The following HGF variants were observed in gnomAD, a reference collection of about 807,000 sequenced individuals.
HGF encodes fibroblast-derived tumor cytotoxic factor.
HGF carries 39 observed loss-of-function variants against 111.6 expected under a neutral mutation model. That is an observed-to-expected ratio of 0.35 (90% CI 0.27 to 0.46). The LOEUF (loss-of-function observed/expected upper bound fraction) is 0.46. Ranked by LOEUF, HGF falls within the 20% of genes least tolerant of loss-of-function variation. The probability of loss-of-function intolerance (pLI) is 1.00; values close to 1 mark genes in which losing one functional copy is unlikely to be tolerated. For synonymous variants in HGF, 285 were observed against 294.8 expected (o/e 0.97, Z 0.34); for missense variants, 735 against 910.5 (o/e 0.81, Z 2.48).
intron 7 of HGF, among the ~76,000 whole-genome samples, chr7:81,733,667 A>G (rs1335940124): frequency 6.6e-6 from 1 of 152,138 alleles, no homozygotes; most frequent in Non-Finnish European, 1.5e-5. Context: ...AATACAGGCG[A>G]ATAAAGATAT....
Position 81,762,567 on chromosome 7 carries a change from G to A in HGF, c.254+140C>T, listed in dbSNP as rs180922897. 115 of 726,610 alleles carry A rather than the reference G, an allele frequency of 1.6e-4. 1 individual carries two copies. The highest frequency in any genetic ancestry group is 2.4e-4 in the Non-Finnish European group (100 of 414,834). The allele number at this position is 726,610 out of a possible 1,614,324, so 45.0% of individuals were successfully genotyped here. On this transcript the variant is annotated intron_variant, in intron 2 of 17. Coordinates refer to ENST00000222390, the MANE Select transcript of HGF (RefSeq NM_000601.6). ...TCCATAAACTGAGAGCTAAGTCTTC[G>A]TTTGTAGTGAGTTAAATCTAGAGTC...
At chr7:81,712,221 A>C (rs114239355) in intron 11 of HGF, among the ~76,000 whole-genome samples, 1,704 of 152,204 alleles carry the variant, frequency 0.011, 36 homozygotes, top group African/African-American at 0.038. Flanking sequence ...ACTCGTGTTC[A>C]TTATTGTCTA....
chr7:81,708,645 G>A (rs1035368136), intron 13 of HGF, among the ~76,000 whole-genome samples: 8 of 142,220 alleles, frequency 5.6e-5, no homozygotes, highest in Admixed American at 2.3e-4. Context: ...GTTTTACCAC[G>A]TTGGCCAGGC....
At chr7:81,708,854 A>G (rs910402616) in intron 13 of HGF, among the ~76,000 whole-genome samples, 2 of 152,148 alleles carry the variant, frequency 1.3e-5, no homozygotes, top group African/African-American at 4.8e-5. Flanking sequence ...TAGTTTCACA[A>G]TTCTATTTTA....
chr7:81,720,648 T>C, intron 10 of HGF, 97 bp downstream of exon 10: 2 of 743,294 alleles, frequency 2.7e-6, no homozygotes, highest in Non-Finnish European at 4.8e-6. Flanking sequence ...TACCATGATA[T>C]ATAAAAGAAT....
In HGF at chr7:81,756,976, A is replaced by G. The variant is rs1432364437; in HGVS notation, c.482+213T>C. 2.5e-5 allele frequency: 15 copies of G among 588,640 alleles called. No homozygotes were observed. In the East Asian group the frequency reaches 4.2e-4, roughly 16 times the overall value. 36.5% of individuals were successfully genotyped at this position (588,640 alleles called of 1,614,324 possible). ...CCGAGATCTACAAATTGAGGCATTA[A>G]GGTAAGATATTGTTTTGGCTACATT... is the stretch of plus-strand genomic sequence containing the variant. On this transcript the variant is annotated intron_variant, in intron 4 of 17. Transcript: ENST00000222390.
intron 1 of HGF, among the ~76,000 whole-genome samples, chr7:81,763,973 A>C (rs981772018): frequency 6.6e-6 from 1 of 152,208 alleles, no homozygotes; most frequent in African/African-American, 2.4e-5. Context: ...ATCTGTAGCT[A>C]AGAATGGCTA....
Position 81,710,158 on chromosome 7 carries a change from A to T in HGF, c.1530T>A (p.Ser510Arg). The T allele has an allele frequency of 6.2e-7, 1 of 1,604,442 alleles. No homozygotes were observed. Among genetic ancestry groups the T allele is most frequent in the Non-Finnish European group, 8.5e-7 (1 of 1,171,366 alleles). The change falls in exon 13 of 18, where the codon AGT becomes AGA. Residue 510 changes from serine (S) to arginine (R), a missense_variant. By Grantham distance (110) the Ser-to-Arg change is moderately radical. Transcript: ENST00000222390. ...PTRTNIGWMV[S>R]LRYRNKHICG... ...CTATTAATAATTACCTGTATCTCAA[A>T]CTAACCATCCATCCTATGTTTGTTC...
At chr7:81,762,925 G>A (rs1335490134) in intron 1 of HGF, 53 bp from the exon 2 acceptor site, 1 of 1,040,878 alleles carries the variant, frequency 9.6e-7, no homozygotes, top group East Asian at 2.6e-5. Context: ...ATGTTTTTAA[G>A]GCTCATATAT....
intron 5 of HGF, among the ~76,000 whole-genome samples, chr7:81,745,826 A>C (rs1788220157): frequency 6.6e-6 from 1 of 152,194 alleles, no homozygotes; most frequent in African/African-American, 2.4e-5. Context: ...GTAGGCTCTT[A>C]CTGATGATTT....
intron 7 of HGF, among the ~76,000 whole-genome samples, chr7:81,738,995 T>C (rs1193135489): frequency 1.3e-5 from 2 of 152,142 alleles, no homozygotes; most frequent in African/African-American, 4.8e-5. Context: ...TTTCCTTGAC[T>C]TTCCGGAGAA....
chr7:81,717,392 C>G (rs202100108), intron 10 of HGF, 27 bp from the exon 11 acceptor site: 11 of 1,606,308 alleles, frequency 6.8e-6, no homozygotes, highest in Non-Finnish European at 9.4e-6. Flanking sequence ...CCTTGCACAT[C>G]ACAAGATGCT....
At chr7:81,738,343 CAT>C (rs1461650671) in intron 7 of HGF, among the ~76,000 whole-genome samples, 1 of 152,022 alleles carries the variant, frequency 6.6e-6, no homozygotes, top group African/African-American at 2.4e-5. Context: ...CAGAGAAAAA[CAT>C]AAAAAAATCA....
chr7:81,734,399 C>A (rs182340916), intron 7 of HGF, among the ~76,000 whole-genome samples: 1 of 151,986 alleles, frequency 6.6e-6, no homozygotes, highest in Non-Finnish European at 1.5e-5. Flanking sequence ...CATTTGCTAT[C>A]GAAATTTTTC....
chr7:81,722,683 G>A (rs1373069681), intron 9 of HGF, among the ~76,000 whole-genome samples: 13 of 150,398 alleles, frequency 8.6e-5, no homozygotes, highest in East Asian at 2.0e-4. Context: ...GTGTGGTGGC[G>A]TGTGCCTGTA....
chr7:81,761,168 G>A (rs2116226359), intron 2 of HGF, among the ~76,000 whole-genome samples: 1 of 152,272 alleles, frequency 6.6e-6, no homozygotes, highest in African/African-American at 2.4e-5. Context: ...AATCTACACA[G>A]CTGAGATGTT....
At chr7:81,754,917 C>T (rs1286067718) in intron 4 of HGF, among the ~76,000 whole-genome samples, 1 of 152,080 alleles carries the variant, frequency 6.6e-6, no homozygotes, top group Non-Finnish European at 1.5e-5. Context: ...CATATATACA[C>T]TATTTTTGGT....
Position 81,711,514 on chromosome 7 carries a change from CT to C in HGF, c.1410del (p.Gly471ValfsTer7). 1 of 1,411,490 alleles carries C rather than the reference CT, an allele frequency of 7.1e-7. No individual in the cohort carries two copies. The highest frequency in any genetic ancestry group is 9.9e-7 in the Non-Finnish European group (1 of 1,007,740). 87.4% of individuals were successfully genotyped at this position (1,411,490 alleles called of 1,614,324 possible). A position where few individuals can be genotyped will look rare whatever the true frequency, so the allele number is the denominator to read the frequency against. On this transcript the variant is annotated frameshift_variant, in exon 12 of 18. Coordinates refer to ENST00000222390, the MANE Select transcript of HGF (RefSeq NM_000601.6). LOFTEE classifies it high-confidence loss of function. ...PWDYCPISRC[E>X]GDTTPTIVNL... ...TTGACTATTGTAGGTGTGGTATCAC[CT>C]TCACCTGTAAAAATAAATGTATAGA...
Position 81,716,767 on chromosome 7 carries a change from T to C in HGF, c.1405+465A>G, listed in dbSNP as rs556798429. The stretch of plus-strand genomic sequence containing the variant: ...GATAACTGGGTGGAAAACTCCAGGC[T>C]CTTCTTTAGTCTTAAATTAAAGAAC... On this transcript the variant is annotated intron_variant, in intron 11 of 17. Transcript: ENST00000222390. Among the ~76,000 whole-genome samples, 5 of 152,302 alleles carry C rather than the reference T, an allele frequency of 3.3e-5. No individual in the cohort carries two copies. The South Asian group carries it at 8.3e-4, about 25-fold the overall frequency.
Sources: gnomAD v4.1 joint callset for allele counts (sites outside exome capture counted in the v4.1 genomes callset) on GRCh38, gnomAD v4.1.1 for gene constraint, MANE v1.5 for transcripts, NCBI Gene and HGNC (gene_info 2026-07-23, HGNC 2026-07-21) for gene names.